Variants in LEPROTL1 observed in about 807,000 individuals in gnomAD.
The protein encoded by LEPROTL1 is leptin receptor overlapping transcript like 1.
LEPROTL1 carries 6 observed loss-of-function variants against 15.4 expected under a neutral mutation model. The observed-to-expected ratio is 0.39, with a 90% CI of 0.21 to 0.77. The LOEUF is 0.77. LEPROTL1 is among the 30% of genes least tolerant of loss of function. LEPROTL1 has a pLI of 0.41. For missense variants in LEPROTL1, 128 were observed against 158.1 expected, an observed-to-expected ratio of 0.81 and a Z score of 1.02; for synonymous variants, 56 against 52.6, an observed-to-expected ratio of 1.06 and a Z score of -0.28.
chr8:30,113,251 G>A (rs890153358), downstream of LEPROTL1, among the ~76,000 whole-genome samples: 1 of 152,052 alleles, frequency 6.6e-6, no homozygotes, highest in Non-Finnish European at 1.5e-5. Flanking sequence ...ATTCCAGCCT[G>A]CAAAACAGAG....
intron 4 of LEPROTL1, among the ~76,000 whole-genome samples, chr8:30,134,206 C>T (rs1181247367): frequency 6.6e-6 from 1 of 152,118 alleles, no homozygotes; most frequent in Non-Finnish European, 1.5e-5. Context: ...AGGTGGATCA[C>T]GAGGTCAAGA....
At position 30,104,315 on chromosome 8, in the gene LEPROTL1, C is replaced by T; in HGVS notation, c.108C>T (p.Leu36=). The change falls in exon 3 of 4, where the codon CTC becomes CTT. Residue 36 remains leucine, a synonymous_variant. Coordinates refer to ENST00000321250, the MANE Select transcript of LEPROTL1 (RefSeq NM_015344.3). ...CTTTTTCTAGCAAATACTGGCCCCT[C>T]TTTGTTCTATTTTTTTACATCCTTT... The part of the protein sequence containing the change: ...ALPIYNKYWP[L]FVLFFYILSP... 3 of 1,522,876 alleles carry T rather than the reference C, an allele frequency of 2.0e-6. No individual in the cohort carries two copies. Among genetic ancestry groups the T allele is most frequent in the Non-Finnish European group, 2.7e-6 (3 of 1,131,434 alleles). 94.3% of individuals were successfully genotyped at this position (1,522,876 alleles called of 1,614,324 possible).
chr8:30,132,425 C>A (rs146026417), exon 4 of LEPROTL1: 2 of 1,551,616 alleles, frequency 1.3e-6, no homozygotes, highest in African/African-American at 2.7e-5. Flanking sequence ...GGGCTCTGAC[C>A]AAGCTCAGGC....
chr8:30,117,214 G>A (rs1802755400), intron 3 of LEPROTL1, among the ~76,000 whole-genome samples: 1 of 152,148 alleles, frequency 6.6e-6, no homozygotes. Flanking sequence ...AAGGCCAGGT[G>A]TGGTGGCTCA....
chr8:30,103,698 T>C (rs1442499668), intron 2 of LEPROTL1, among the ~76,000 whole-genome samples: 1 of 148,602 alleles, frequency 6.7e-6, no homozygotes, highest in Non-Finnish European at 1.5e-5. Context: ...GCCGAGATCA[T>C]GCCACTGCAC....
intron 3 of LEPROTL1, among the ~76,000 whole-genome samples, chr8:30,128,501 A>G (rs1296092470): frequency 3.3e-5 from 5 of 152,112 alleles, no homozygotes; most frequent in Non-Finnish European, 7.4e-5. Context: ...CTATAATCTC[A>G]GCATTTTGGA....
chr8:30,118,766 G>A (rs1035235566), intron 3 of LEPROTL1, among the ~76,000 whole-genome samples: 5 of 152,178 alleles, frequency 3.3e-5, no homozygotes, highest in African/African-American at 1.2e-4. Flanking sequence ...ATAGTGGGGA[G>A]AAGGTCAGCA....
intron 2 of LEPROTL1, among the ~76,000 whole-genome samples, chr8:30,103,283 A>G (rs1486354678): frequency 6.6e-6 from 1 of 152,218 alleles, no homozygotes; most frequent in African/African-American, 2.4e-5. Context: ...GGACCCATTC[A>G]TATTTTAAAG....
exon 5 of LEPROTL1, chr8:30,137,487 C>T (rs1400192456): frequency 3.2e-6 from 5 of 1,551,432 alleles, no homozygotes; most frequent in Non-Finnish European, 4.4e-6. Flanking sequence ...TTTGCCCTCC[C>T]TCTCAGGCAC....
intron 3 of LEPROTL1, chr8:30,131,923 G>A (rs150691027): frequency 6.5e-7 from 1 of 1,532,922 alleles, no homozygotes; most frequent in South Asian, 1.2e-5. Context: ...GGTGTTTAAG[G>A]TGAAAGCCAG....
intron 1 of LEPROTL1, among the ~76,000 whole-genome samples, chr8:30,100,092 TAGA>T (rs1332449501): frequency 6.6e-6 from 1 of 152,234 alleles, no homozygotes; most frequent in Non-Finnish European, 1.5e-5. Context: ...TAGCTGGAAA[TAGA>T]ATGGTATTCA....
exon 5 of LEPROTL1, chr8:30,137,341 C>T (rs1803170100): frequency 6.4e-7 from 1 of 1,551,736 alleles, no homozygotes; most frequent in Non-Finnish European, 8.7e-7. Flanking sequence ...ACTGACACAG[C>T]AGCTGCCTCT....
intron 3 of LEPROTL1, among the ~76,000 whole-genome samples, chr8:30,119,409 A>G (rs1181153873): frequency 1.3e-5 from 2 of 152,178 alleles, no homozygotes; most frequent in African/African-American, 4.8e-5. Context: ...TGGCTTGCAG[A>G]TGGCCCATTC....
intron 3 of LEPROTL1, among the ~76,000 whole-genome samples, chr8:30,121,545 C>T (rs1181774576): frequency 3.3e-5 from 5 of 152,226 alleles, no homozygotes; most frequent in South Asian, 2.1e-4. Flanking sequence ...TGAGCCATCA[C>T]GCCCAGCCTA....
At chr8:30,123,844 G>A (rs1387378495) in intron 3 of LEPROTL1, among the ~76,000 whole-genome samples, 1 of 152,182 alleles carries the variant, frequency 6.6e-6, no homozygotes. Flanking sequence ...TAGACAAGGT[G>A]TTCCTCTCTG....
At chr8:30,132,042 G>A in intron 3 of LEPROTL1, 1 of 1,551,880 alleles carries the variant, frequency 6.4e-7, no homozygotes, top group Non-Finnish European at 8.7e-7. Flanking sequence ...ACCAGAGAGA[G>A]GAGAGACTCC....
chr8:30,131,174 C>G (rs1050080465), intron 3 of LEPROTL1, among the ~76,000 whole-genome samples: 1 of 151,640 alleles, frequency 6.6e-6, no homozygotes, highest in East Asian at 1.9e-4. Flanking sequence ...TCACTGCAGC[C>G]TCAAACTCCT....
chr8:30,104,819 T>A (rs1193493859), intron 3 of LEPROTL1: 1 of 164,834 alleles, frequency 6.1e-6, no homozygotes, highest in Non-Finnish European at 1.3e-5. Flanking sequence ...TTCACGCCAT[T>A]CTCCTGCCTC....
intron 1 of LEPROTL1, among the ~76,000 whole-genome samples, chr8:30,097,696 T>C (rs77546314): frequency 0.71 from 76,911 of 107,984 alleles, 29,592 homozygotes; most frequent in Non-Finnish European, 0.83. Context: ...TATATATATA[T>C]ATACACACAC....
Sources: gnomAD v4.1 joint callset for allele counts (sites outside exome capture counted in the v4.1 genomes callset) on GRCh38, gnomAD v4.1.1 for gene constraint, MANE v1.5 for transcripts, NCBI Gene and HGNC (gene_info 2026-07-23, HGNC 2026-07-21) for gene names.